The following NDC80 variants were observed in gnomAD, a reference collection of about 807,000 sequenced individuals.
NDC80 encodes the protein NDC80 kinetochore complex component.
Under a neutral mutation model 89.3 loss-of-function variants are expected in NDC80, and 69 were observed. The ratio of observed to expected loss-of-function variants is 0.77; its 90% CI spans 0.64 to 0.94. The LOEUF is 0.94. Ranked by LOEUF, NDC80 falls within the 40% of genes least tolerant of loss-of-function variation. The pLI is 0.00. For missense variants in NDC80, 593 were observed against 739.6 expected (o/e 0.80, Z 2.30); for synonymous variants, 243 against 255.6 (o/e 0.95, Z 0.47).
intron 11 of NDC80, 100 bp downstream of exon 11, chr18:2,595,721 A>C: frequency 1.1e-6 from 1 of 916,424 alleles, no homozygotes. Flanking sequence ...AAATTGGCTT[A>C]AGAGGTAAAA....
At chr18:2,595,321 T>A in intron 10 of NDC80, 95 bp from the exon 11 acceptor site, 1 of 611,212 alleles carries the variant, frequency 1.6e-6, no homozygotes, top group Non-Finnish European at 2.7e-6. Flanking sequence ...ATATATGACT[T>A]GGAAATTTAG....
At position 2,574,976 on chromosome 18, in the gene NDC80, A is replaced by G. The variant is rs774997523; in HGVS notation, c.102-13A>G. ...TTTTTATTTTAAAGAGTTGTTTTCT[A>G]TTTTTCTTAAAGCAAAGAGAAACCA... On this transcript the variant is annotated splice_polypyrimidine_tract_variant and intron_variant, in intron 2 of 16. Coordinates refer to ENST00000261597, the MANE Select transcript of NDC80 (RefSeq NM_006101.3). 6.5e-7 allele frequency: 1 copy of G among 1,547,080 alleles called. No homozygotes were observed. Among genetic ancestry groups the G allele is most frequent in the East Asian group, 2.3e-5 (1 of 44,344 alleles).
At chr18:2,590,597 G>C (rs1041368310) in intron 10 of NDC80, among the ~76,000 whole-genome samples, 3 of 152,106 alleles carry the variant, frequency 2.0e-5, no homozygotes, top group Non-Finnish European at 4.4e-5. Context: ...AAGGACATTT[G>C]AGATGAGATT....
chr18:2,588,597 A>G (rs183425215), intron 8 of NDC80, among the ~76,000 whole-genome samples: 1 of 152,224 alleles, frequency 6.6e-6, no homozygotes, highest in Non-Finnish European at 1.5e-5. Flanking sequence ...CAATGGAATC[A>G]ATCACTTTGC....
chr18:2,611,283 A>C (rs990499633), intron 16 of NDC80, among the ~76,000 whole-genome samples: 8 of 152,156 alleles, frequency 5.3e-5, no homozygotes, highest in Non-Finnish European at 1.0e-4. Flanking sequence ...TCCTGACCTC[A>C]GGTGATTCAC....
At chr18:2,590,209 A>AT in intron 10 of NDC80, 47 bp downstream of exon 10, 1 of 1,499,686 alleles carries the variant, frequency 6.7e-7, no homozygotes. Context: ...CCTGTGTGGG[A>AT]TTTGTCACAT....
At chr18:2,597,737 A>AT (rs1348369608) in intron 11 of NDC80, among the ~76,000 whole-genome samples, 2 of 152,124 alleles carry the variant, frequency 1.3e-5, no homozygotes, top group Non-Finnish European at 2.9e-5. Context: ...TCTAAAAAAA[A>AT]AAAAATAAAG....
intron 6 of NDC80, among the ~76,000 whole-genome samples, chr18:2,580,326 TTCTC>T (rs958042778): frequency 2.0e-5 from 3 of 152,020 alleles, no homozygotes; most frequent in African/African-American, 7.2e-5. Flanking sequence ...AGCAATTTTT[TTCTC>T]TCTCTCTTTT....
intron 3 of NDC80, among the ~76,000 whole-genome samples, 168 bp from the exon 4 acceptor site, chr18:2,577,578 A>G (rs1024556502): frequency 6.6e-6 from 1 of 151,720 alleles, no homozygotes; most frequent in African/African-American, 2.4e-5. Context: ...CTCATATTTT[A>G]CTCTTCGTTA....
At position 2,587,886 on chromosome 18, in the gene NDC80, C is replaced by T; in HGVS notation, c.726C>T (p.Ser242=). ...AGAGTTTTATGAGTGGTGCCGACAG[C>T]TTTGATGAGATGAATGCAGAGCTGC... ...CYESFMSGAD[S]FDEMNAELQS... Residue 242 remains serine, a synonymous_variant, in exon 8 of 17, where the codon AGC becomes AGT. Coordinates refer to ENST00000261597, the MANE Select transcript of NDC80 (RefSeq NM_006101.3). 1 of 1,613,778 alleles carries T rather than the reference C, an allele frequency of 6.2e-7. No individual in the cohort carries two copies. Among genetic ancestry groups the T allele is most frequent in the Non-Finnish European group, 8.5e-7 (1 of 1,179,762 alleles).
chr18:2,579,681 C>A (rs141889328), intron 6 of NDC80, among the ~76,000 whole-genome samples: 8,772 of 152,274 alleles, frequency 0.058, 856 homozygotes, highest in African/African-American at 0.2. Flanking sequence ...CCCGCCTCAG[C>A]CTCCCAAAGT....
chr18:2,577,674 T>A, intron 3 of NDC80, 72 bp from the exon 4 acceptor site: 4 of 1,547,128 alleles, frequency 2.6e-6, no homozygotes, highest in Non-Finnish European at 3.5e-6. Flanking sequence ...AATGCAAAAC[T>A]GCCTTGAAAT....
chr18:2,599,215 T>A, intron 12 of NDC80, 44 bp downstream of exon 12: 1 of 1,528,320 alleles, frequency 6.5e-7, no homozygotes, highest in Non-Finnish European at 8.9e-7. Flanking sequence ...AATTCTGTGA[T>A]TGGTATCTCT....
intron 1 of NDC80, among the ~76,000 whole-genome samples, chr18:2,572,521 T>C (rs1483333971): frequency 1.3e-5 from 2 of 152,136 alleles, no homozygotes; most frequent in African/African-American, 4.8e-5. Flanking sequence ...AACAGAATAA[T>C]TCCATTCTCT....
Position 2,616,475 on chromosome 18 carries a change from A to T in NDC80, c.1830A>T (p.Glu610Asp). 1.3e-6 allele frequency: 2 copies of T among 1,540,684 alleles called. No individual in the cohort carries two copies. Among genetic ancestry groups the T allele is most frequent in the Non-Finnish European group, 1.8e-6 (2 of 1,136,906 alleles). Reference sequence around the variant, plus strand: ...AGCAGATTGCTAAAGTTGATAGAGAATATGAAGAATGCATGTCAGAAGATC... The same window carrying T: ...AGCAGATTGCTAAAGTTGATAGAGATTATGAAGAATGCATGTCAGAAGATC... ...LEEQIAKVDR[E>D]YEECMSEDLS... is the part of the protein sequence containing the mutation. Residue 610 changes from glutamate (E) to aspartate (D), a missense_variant, in exon 17 of 17, where the codon GAA (glutamate) becomes GAT (aspartate). Coordinates refer to ENST00000261597, the MANE Select transcript of NDC80 (RefSeq NM_006101.3).
intron 16 of NDC80, among the ~76,000 whole-genome samples, chr18:2,612,359 G>A (rs2111676): frequency 0.22 from 30,013 of 137,766 alleles, 3,401 homozygotes; most frequent in South Asian, 0.29. Flanking sequence ...GCGCGATCTC[G>A]GCTCACTGCA....
chr18:2,610,188 C>G (rs944994253), intron 15 of NDC80, among the ~76,000 whole-genome samples: 4 of 152,122 alleles, frequency 2.6e-5, no homozygotes, highest in African/African-American at 9.7e-5. Flanking sequence ...AATCAATATA[C>G]TGAACAGTTA....
chr18:2,579,580 A>G (rs2072565828), intron 6 of NDC80, among the ~76,000 whole-genome samples: 1 of 152,074 alleles, frequency 6.6e-6, no homozygotes, highest in Admixed American at 6.6e-5. Flanking sequence ...GGCATGCACC[A>G]CCATGCCTGG....
intron 13 of NDC80, among the ~76,000 whole-genome samples, chr18:2,602,198 GT>G (rs1439573342): frequency 3.3e-5 from 5 of 152,042 alleles, no homozygotes; most frequent in African/African-American, 1.2e-4. Context: ...GAAATTTTAT[GT>G]TTTCTCAGAA....
Sources: allele counts gnomAD v4.1 joint callset (sites outside exome capture counted in the v4.1 genomes callset), GRCh38; gene constraint gnomAD v4.1.1; transcripts MANE v1.5; gene names NCBI Gene and HGNC (gene_info 2026-07-23, HGNC 2026-07-21).